The following COX10 variants were observed in gnomAD, a reference collection of about 807,000 sequenced individuals.
COX10 encodes protoheme IX farnesyltransferase, mitochondrial.
Under a neutral mutation model 37.3 loss-of-function variants are expected in COX10, and 27 were observed. The ratio of observed to expected loss-of-function variants is 0.72; its 90% CI spans 0.53 to 1.00. COX10 has a LOEUF of 1.00. Among genes scored for constraint, COX10 ranks in the 50% least tolerant of loss-of-function variants. The pLI is 0.00. For synonymous variants in COX10, 222 were observed against 229.1 expected (o/e 0.97, Z 0.28); for missense variants, 475 against 563.2 (o/e 0.84, Z 1.59).
At chr17:14,199,146 G>A (rs1258844691) in intron 6 of COX10, among the ~76,000 whole-genome samples, 2 of 152,160 alleles carry the variant, frequency 1.3e-5, no homozygotes, top group African/African-American at 4.8e-5. Context: ...TATAATTGGA[G>A]GCAAACTGGT....
intron 6 of COX10, among the ~76,000 whole-genome samples, chr17:14,206,190 C>G (rs929099435): frequency 1.3e-5 from 2 of 152,072 alleles, no homozygotes; most frequent in Admixed American, 6.5e-5. Flanking sequence ...CAGGTACATC[C>G]GGCTCTGTGT....
At chr17:14,086,908 G>C (rs1294197634) in intron 3 of COX10, among the ~76,000 whole-genome samples, 3 of 151,754 alleles carry the variant, frequency 2.0e-5, no homozygotes, top group Non-Finnish European at 4.4e-5. Flanking sequence ...CATTCTGAAG[G>C]GTCTTCTGAA....
intron 4 of COX10, among the ~76,000 whole-genome samples, chr17:14,149,480 G>A (rs3785680): frequency 0.11 from 17,106 of 152,056 alleles, 1,116 homozygotes; most frequent in South Asian, 0.17. Flanking sequence ...TTTTAGCGGC[G>A]ATACTGTGTC....
chr17:14,183,391 T>G (rs1014208102), intron 5 of COX10, among the ~76,000 whole-genome samples: 4 of 152,152 alleles, frequency 2.6e-5, no homozygotes, highest in African/African-American at 7.2e-5. Flanking sequence ...TGTTGAAAAT[T>G]AGAACTTTTT....
chr17:14,083,920 A>G (rs866733119), intron 3 of COX10, among the ~76,000 whole-genome samples: 1 of 152,204 alleles, frequency 6.6e-6, no homozygotes, highest in African/African-American at 2.4e-5. Flanking sequence ...CCTGAGTAAC[A>G]TCTGTGCTGA....
At chr17:14,073,533 T>G (rs2142179826) in intron 1 of COX10, among the ~76,000 whole-genome samples, 1 of 152,272 alleles carries the variant, frequency 6.6e-6, no homozygotes, top group Middle Eastern at 3.4e-3. Context: ...GGTTTGAAGA[T>G]CAGAAATTAT....
chr17:14,082,547 A>G (rs1361765039), intron 3 of COX10, among the ~76,000 whole-genome samples: 5 of 152,188 alleles, frequency 3.3e-5, no homozygotes, highest in African/African-American at 9.7e-5. Flanking sequence ...TTTCTTGGCC[A>G]CATCTTCCAT....
intron 4 of COX10, among the ~76,000 whole-genome samples, chr17:14,103,012 G>A (rs919634421): frequency 2.0e-5 from 3 of 152,126 alleles, no homozygotes; most frequent in Non-Finnish European, 2.9e-5. Context: ...TGCAAAATAC[G>A]TGAATTTAAT....
intron 4 of COX10, among the ~76,000 whole-genome samples, chr17:14,130,219 C>T (rs1434678637): frequency 6.6e-6 from 1 of 152,080 alleles, no homozygotes; most frequent in Non-Finnish European, 1.5e-5. Context: ...GGAAAATATT[C>T]CTCCCATTTT....
At chr17:14,155,543 G>A (rs1306464280) in intron 4 of COX10, among the ~76,000 whole-genome samples, 1 of 151,860 alleles carries the variant, frequency 6.6e-6, no homozygotes, top group Admixed American at 6.6e-5. Context: ...GTGAAACCCT[G>A]TCTCTATTAA....
At chr17:14,102,080 G>A in intron 3 of COX10, 38 bp from the exon 4 acceptor site, 1 of 1,613,230 alleles carries the variant, frequency 6.2e-7, no homozygotes, top group South Asian at 1.1e-5. Flanking sequence ...TGGGACTCCT[G>A]TTGGTAACAG....
chr17:14,102,677 A>G (rs1250060211), intron 4 of COX10, among the ~76,000 whole-genome samples: 2 of 152,214 alleles, frequency 1.3e-5, no homozygotes, highest in Non-Finnish European at 2.9e-5. Context: ...TTTTTAAAAA[A>G]TCATAATTTA....
intron 4 of COX10, among the ~76,000 whole-genome samples, chr17:14,138,007 A>C (rs143769277): frequency 1.4e-4 from 21 of 150,862 alleles, no homozygotes; most frequent in African/African-American, 4.9e-4. Context: ...TTACTACACT[A>C]AAATCAACCA....
chr17:14,203,744 C>T (rs1238666757), intron 6 of COX10, among the ~76,000 whole-genome samples: 1 of 152,212 alleles, frequency 6.6e-6, no homozygotes, highest in African/African-American at 2.4e-5. Context: ...ATGTAAAGTG[C>T]TCTGTCTCCT....
chr17:14,166,908 G>A (rs1905306105), intron 5 of COX10, among the ~76,000 whole-genome samples: 1 of 149,446 alleles, frequency 6.7e-6, no homozygotes, highest in African/African-American at 2.5e-5. Flanking sequence ...TGCTGGGATT[G>A]CAGCCGTGAT....
At chr17:14,116,968 A>ATTCTT (rs1204121513) in intron 4 of COX10, among the ~76,000 whole-genome samples, 2 of 152,300 alleles carry the variant, frequency 1.3e-5, no homozygotes, top group African/African-American at 4.8e-5. Context: ...GTTTCTTCAC[A>ATTCTT]CACTGGTCAA....
At chr17:14,180,062 T>A (rs1342973295) in intron 5 of COX10, among the ~76,000 whole-genome samples, 1 of 152,178 alleles carries the variant, frequency 6.6e-6, no homozygotes, top group African/African-American at 2.4e-5. Flanking sequence ...TCAAATTTAC[T>A]GAGGGTTTTA....
chr17:14,087,733 T>C (rs2142190300), intron 3 of COX10, among the ~76,000 whole-genome samples: 1 of 151,842 alleles, frequency 6.6e-6, no homozygotes, highest in East Asian at 1.9e-4. Flanking sequence ...AGGGCCAATG[T>C]CCTGTTTCCC....
chr17:14,076,716 T>C lies in COX10; in HGVS notation c.178-19T>C, dbSNP rs918693859. ...ATTTGGGGCCTTGGTTTTATAGTAA[T>C]GTGTGCTTTTTTGTTTAGTATGTCA... On this transcript the variant is annotated intron_variant, in intron 2 of 6. Coordinates refer to ENST00000261643, the MANE Select transcript of COX10 (RefSeq NM_001303.4). 1.2e-6 allele frequency: 2 copies of C among 1,613,580 alleles called. No individual in the cohort carries two copies. Among genetic ancestry groups the C allele is most frequent in the African/African-American group, 2.7e-5 (2 of 74,924 alleles).
Sources: allele counts gnomAD v4.1 joint callset (sites outside exome capture counted in the v4.1 genomes callset), GRCh38; gene constraint gnomAD v4.1.1; transcripts MANE v1.5; gene names NCBI Gene and HGNC (gene_info 2026-07-23, HGNC 2026-07-21).